CFI: variants seen among roughly 807,000 people sequenced by gnomAD.
CFI encodes the protein C3B/C4B inactivator.
CFI carries 66 observed loss-of-function variants against 78.8 expected under a neutral mutation model. That is an observed-to-expected ratio of 0.84 (90% CI 0.69 to 1.03). The LOEUF (loss-of-function observed/expected upper bound fraction) is 1.03. Among genes scored for constraint, CFI ranks in the 50% least tolerant of loss-of-function variants. CFI has a pLI of 0.00. For missense variants in CFI, 706 were observed against 704.5 expected, an observed-to-expected ratio of 1.00 and a Z score of -0.02; for synonymous variants, 250 against 232.6, an observed-to-expected ratio of 1.07 and a Z score of -0.68.
chr4:109,752,942 A>T (rs1433300176), intron 7 of CFI, among the ~76,000 whole-genome samples: 5,034 of 88,950 alleles, frequency 0.057, 1,687 homozygotes, highest in Admixed American at 0.085. Context: ...ATATAAATAA[A>T]TATTTATAAT....
At position 109,740,747 on chromosome 4, in the gene CFI, G is replaced by T; in HGVS notation, c.*146C>A. ...AATTATACAACAAAATTCCAATATG[G>T]CATAAACTCTGTGGAGACCTTTAAA... is the stretch of plus-strand genomic sequence containing the variant. On this transcript the variant is annotated 3_prime_UTR_variant, in exon 13 of 13. Transcript: ENST00000394634. 5.1e-6 allele frequency: 4 copies of T among 777,266 alleles called. No homozygotes were observed. Among genetic ancestry groups the T allele is most frequent in the Non-Finnish European group, 8.8e-6 (4 of 456,400 alleles). The allele number at this position is 777,266 out of a possible 1,614,324, so 48.1% of individuals were successfully genotyped here.
chr4:109,779,602 A>G (rs1466426180), intron 1 of CFI, among the ~76,000 whole-genome samples: 4 of 152,140 alleles, frequency 2.6e-5, no homozygotes, highest in Non-Finnish European at 4.4e-5. Flanking sequence ...CAAGCTACCA[A>G]TGACTTTCTT....
chr4:109,761,432 G>T (rs1335845331), intron 4 of CFI, 85 bp downstream of exon 4: 4 of 1,287,122 alleles, frequency 3.1e-6, no homozygotes, highest in African/African-American at 1.5e-5. Context: ...TGGCAACGAG[G>T]CATCAATCAT....
rs771746666 is a variant in CFI at position 109,749,238 on chromosome 4, C to A, written c.1128G>T (p.Leu376=). ...TTTACCTGAGACAATGTGCAGCAGT[C>A]AGAATCCAACAGCCACCAATATAAA... ...GGIYIGGCWI[L]TAAHCLRASK... Residue 376 remains leucine, a synonymous_variant, in exon 10 of 13, where the codon CTG becomes CTT. Coordinates refer to ENST00000394634, the MANE Select transcript of CFI (RefSeq NM_000204.5). 1 of 1,614,110 alleles carries A rather than the reference C, an allele frequency of 6.2e-7. No individual in the cohort carries two copies. The highest frequency in any genetic ancestry group is 1.7e-5 in the Admixed American group (1 of 60,020).
chr4:109,796,195 G>T (rs1340068988), intron 1 of CFI, among the ~76,000 whole-genome samples: 1 of 152,056 alleles, frequency 6.6e-6, no homozygotes, highest in Non-Finnish European at 1.5e-5. Flanking sequence ...AACACTGCAG[G>T]CCAGGAAAGA....
intron 7 of CFI, among the ~76,000 whole-genome samples, chr4:109,754,761 C>T (rs1725915883): frequency 6.6e-6 from 1 of 152,110 alleles, no homozygotes; most frequent in Admixed American, 6.6e-5. Context: ...CACAAAAGCA[C>T]GCTTGTGAAT....
chr4:109,736,549 T>C (rs1310117373), downstream of CFI, among the ~76,000 whole-genome samples: 1 of 152,180 alleles, frequency 6.6e-6, no homozygotes, highest in Non-Finnish European at 1.5e-5. Flanking sequence ...CATGGGCTTG[T>C]TCCATAATAT....
intron 1 of CFI, among the ~76,000 whole-genome samples, chr4:109,786,190 C>T (rs1164880415): frequency 1.3e-5 from 2 of 151,816 alleles, no homozygotes; most frequent in African/African-American, 4.8e-5. Context: ...GCCACCATGC[C>T]CGGCTAATTT....
chr4:109,749,526 T>G lies in CFI; in HGVS notation c.1017A>C (p.Arg339=), dbSNP rs1304518962. The change falls in exon 9 of 13, where the codon CGA becomes CGC. Residue 339 remains arginine, a synonymous_variant. Coordinates refer to ENST00000394634, the MANE Select transcript of CFI (RefSeq NM_000204.5). ...VKNRMHIRRK[R]IVGGKRAQLG... is the part of the protein sequence containing the mutation. ...GTTGTGCTCGCTTTCCTCCCACAAT[T>G]CGTTTCCTTCGAATGTGCATTCTGT... 1 of 1,613,762 alleles carries G rather than the reference T, an allele frequency of 6.2e-7. No homozygotes were observed. Among genetic ancestry groups the G allele is most frequent in the Admixed American group, 1.7e-5 (1 of 60,008 alleles).
intron 1 of CFI, among the ~76,000 whole-genome samples, chr4:109,796,948 A>G (rs1431760071): frequency 6.6e-6 from 1 of 152,228 alleles, no homozygotes; most frequent in Non-Finnish European, 1.5e-5. Context: ...TGGCAAGACA[A>G]CTCACATTCC....
In CFI at chr4:109,784,708, G is replaced by A. The variant is rs779088367; in HGVS notation, c.57+17207C>T. On this transcript the variant is annotated intron_variant, in intron 1 of 12. Transcript: ENST00000394634. ...AGAAGTCAGTTCTTTCTCTCCATCAGCAGTACTAAAAAGACTACTTGAAAT... is the reference window on the plus strand; with the variant it reads ...AGAAGTCAGTTCTTTCTCTCCATCAACAGTACTAAAAAGACTACTTGAAAT... Among the ~76,000 whole-genome samples the A allele has an allele frequency of 9.3e-4, 141 of 152,058 alleles. 2 individuals are homozygous for A. Among genetic ancestry groups the A allele is most frequent in the Non-Finnish European group, 1.7e-3 (118 of 67,984 alleles).
intron 7 of CFI, among the ~76,000 whole-genome samples, chr4:109,756,146 A>G (rs1191679009): frequency 6.6e-6 from 1 of 152,146 alleles, no homozygotes; most frequent in Non-Finnish European, 1.5e-5. Flanking sequence ...ATGGTTGCCT[A>G]TTGGGGAAGA....
chr4:109,758,170 A>T lies in CFI; in HGVS notation c.884-387T>A, dbSNP rs564978085. 2.0e-5 allele frequency among the ~76,000 whole-genome samples: 3 copies of T among 151,880 alleles called. No homozygotes were observed. The East Asian group carries it at 5.9e-4, about 30-fold the overall frequency. On this transcript the variant is annotated intron_variant, in intron 6 of 12. Coordinates refer to ENST00000394634, the MANE Select transcript of CFI (RefSeq NM_000204.5). ...TTTTGAAACAGATTTTAAAAAGATA[A>T]AAGGAGGTCAGGTGCAGTGGCTCAT...
At chr4:109,781,562 C>A (rs2125846192) in intron 1 of CFI, among the ~76,000 whole-genome samples, 1 of 152,190 alleles carries the variant, frequency 6.6e-6, no homozygotes, top group East Asian at 1.9e-4. Flanking sequence ...AGATTCACAG[C>A]AGAATTCTAC....
downstream of CFI, among the ~76,000 whole-genome samples, chr4:109,737,463 C>G (rs74784574): frequency 1.2e-4 from 18 of 152,290 alleles, no homozygotes; most frequent in East Asian, 3.5e-3. Flanking sequence ...ACCATTGTAC[C>G]TGGCAAGGTG....
intron 3 of CFI, 70 bp from the exon 4 acceptor site, chr4:109,761,762 A>G: frequency 7.6e-7 from 1 of 1,312,752 alleles, no homozygotes; most frequent in Non-Finnish European, 1.1e-6. Flanking sequence ...CTACTGTAGC[A>G]GGTAAGAAAC....
At chr4:109,749,705 A>T in intron 8 of CFI, 103 bp from the exon 9 acceptor site, 2 of 740,168 alleles carry the variant, frequency 2.7e-6, no homozygotes, top group Non-Finnish European at 4.9e-6. Flanking sequence ...AGTCACAGCC[A>T]GTACAAGACA....
At chr4:109,760,486 T>C (rs376590059) in intron 5 of CFI, 37 bp downstream of exon 5, 94 of 1,491,090 alleles carry the variant, frequency 6.3e-5, no homozygotes, top group Non-Finnish European at 8.7e-5. Flanking sequence ...GTCAGAAAAA[T>C]GAATTTAGAG....
chr4:109,736,197 G>T (rs1163568376), downstream of CFI, among the ~76,000 whole-genome samples: 1 of 152,094 alleles, frequency 6.6e-6, no homozygotes, highest in African/African-American at 2.4e-5. Context: ...TATGTTGAGG[G>T]AGTGCTGGGA....
Sources: gnomAD v4.1 joint callset for allele counts (sites outside exome capture counted in the v4.1 genomes callset) on GRCh38, gnomAD v4.1.1 for gene constraint, MANE v1.5 for transcripts, NCBI Gene and HGNC (gene_info 2026-07-23, HGNC 2026-07-21) for gene names.